The following TMEM132B variants were observed in gnomAD, a reference collection of about 807,000 sequenced individuals.
The protein encoded by TMEM132B is transmembrane protein 132B.
In TMEM132B, 18 loss-of-function variants were observed where a neutral mutation model predicts 90.8. The ratio of observed to expected loss-of-function variants is 0.20; its 90% CI spans 0.14 to 0.29. The LOEUF is 0.29. Among genes scored for constraint, TMEM132B ranks in the 10% least tolerant of loss-of-function variants. The pLI, the probability that TMEM132B is intolerant of heterozygous loss-of-function variation, is 1.00. For synonymous variants in TMEM132B, 504 were observed against 523.3 expected (o/e 0.96, Z 0.50); for missense variants, 1,096 against 1,326.8 (o/e 0.83, Z 2.70).
intron 3 of TMEM132B, among the ~76,000 whole-genome samples, chr12:125,495,615 T>G (rs991270381): frequency 1.3e-5 from 2 of 152,346 alleles, no homozygotes; most frequent in East Asian, 3.9e-4. Context: ...TCCATTTCTA[T>G]TCCATTAAAC....
rs977433239 is a variant in TMEM132B, at chr12:125,277,552, A to T, written c.68-71900A>T. 1.5e-5 allele frequency among the ~76,000 whole-genome samples: 2 copies of T among 129,584 alleles called. No homozygotes were observed. Among genetic ancestry groups the T allele is most frequent in the Non-Finnish European group, 3.3e-5 (2 of 60,454 alleles). The allele number at this position is 129,584 out of a possible 152,430, so 85.0% of individuals were successfully genotyped here. ...ACATACACACACACACGGGAAGGCCATGTGAAGATGCAGCAGAGATTGGAG... is the reference window on the plus strand; with the variant it reads ...ACATACACACACACACGGGAAGGCCTTGTGAAGATGCAGCAGAGATTGGAG... On this transcript the variant is annotated intron_variant, in intron 1 of 8. Coordinates refer to ENST00000682704, the MANE Select transcript of TMEM132B (RefSeq NM_001366854.1). The surrounding 1 kb of genome is among the most constrained non-coding windows in gnomAD (Gnocchi z 4.3).
intron 1 of TMEM132B, among the ~76,000 whole-genome samples, chr12:125,311,042 G>A (rs1876111394): frequency 6.6e-6 from 1 of 152,174 alleles, no homozygotes; most frequent in Non-Finnish European, 1.5e-5. Flanking sequence ...TTGCTCTTCT[G>A]GGCTATTTTA....
At chr12:125,546,556 AT>A (rs1458656783) in intron 4 of TMEM132B, among the ~76,000 whole-genome samples, 1 of 152,136 alleles carries the variant, frequency 6.6e-6, no homozygotes, top group Non-Finnish European at 1.5e-5. Flanking sequence ...ATTGTATGTA[AT>A]TTTTGGTCTG....
intron 2 of TMEM132B, among the ~76,000 whole-genome samples, chr12:125,412,096 A>G (rs1879864146): frequency 6.6e-6 from 1 of 152,160 alleles, no homozygotes; most frequent in Non-Finnish European, 1.5e-5. Context: ...TCAGACTCTG[A>G]GGAAGCGTTT....
Position 125,350,326 on chromosome 12 carries a change from A to T in TMEM132B, c.942A>T (p.Ala314=). 1.2e-6 allele frequency: 2 copies of T among 1,612,858 alleles called. No individual in the cohort carries two copies. Among genetic ancestry groups the T allele is most frequent in the Non-Finnish European group, 1.7e-6 (2 of 1,179,706 alleles). Residue 314 remains alanine (A), a synonymous_variant, in exon 2 of 9, where the codon GCA becomes GCT. Transcript: ENST00000682704. ...FLVSLTSSSV[A]DQFTLRIKAA... ...TCTCTCTGACCAGTAGCTCTGTGGCAGACCAGTTCACTCTTAGGTAAGAGG... is the reference window on the plus strand; with the variant it reads ...TCTCTCTGACCAGTAGCTCTGTGGCTGACCAGTTCACTCTTAGGTAAGAGG...
intron 6 of TMEM132B, among the ~76,000 whole-genome samples, chr12:125,650,275 G>A (rs1188668359): frequency 6.6e-6 from 1 of 152,172 alleles, no homozygotes; most frequent in African/African-American, 2.4e-5. Flanking sequence ...GGAGGTAGCT[G>A]AGCCTGTGAG....
At chr12:125,384,295 A>G (rs1391287988) in intron 2 of TMEM132B, among the ~76,000 whole-genome samples, 1 of 152,164 alleles carries the variant, frequency 6.6e-6, no homozygotes, top group African/African-American at 2.4e-5. Flanking sequence ...TATCCTTGTC[A>G]TACCACCTAA....
At chr12:125,538,432 C>G (rs1883868588) in intron 4 of TMEM132B, among the ~76,000 whole-genome samples, 1 of 152,204 alleles carries the variant, frequency 6.6e-6, no homozygotes, top group Non-Finnish European at 1.5e-5. Flanking sequence ...GACACACAGA[C>G]CTTCCTCAGT....
At chr12:125,310,015 C>A (rs1004984457) in intron 1 of TMEM132B, among the ~76,000 whole-genome samples, 2 of 152,154 alleles carry the variant, frequency 1.3e-5, no homozygotes, top group Non-Finnish European at 2.9e-5. Flanking sequence ...CCTGTGGCTG[C>A]CTGGCTTCCT....
At chr12:125,402,862 A>AT (rs372174145) in intron 2 of TMEM132B, among the ~76,000 whole-genome samples, 70 of 151,092 alleles carry the variant, frequency 4.6e-4, no homozygotes, top group African/African-American at 1.2e-3. Flanking sequence ...AATACATATA[A>AT]TTTTTTTTTT....
At chr12:125,394,515 T>G (rs1486598325) in intron 2 of TMEM132B, among the ~76,000 whole-genome samples, 2 of 152,230 alleles carry the variant, frequency 1.3e-5, no homozygotes, top group Non-Finnish European at 2.9e-5. Context: ...AGGGTTGATC[T>G]GTAGGTTTCT....
At chr12:125,394,925 A>G (rs544421936) in intron 2 of TMEM132B, among the ~76,000 whole-genome samples, 1 of 152,210 alleles carries the variant, frequency 6.6e-6, no homozygotes, top group African/African-American at 2.4e-5. Flanking sequence ...TTGAAAAATT[A>G]TCAATTGGGT....
At chr12:125,483,533 A>G (rs1330308940) in intron 3 of TMEM132B, among the ~76,000 whole-genome samples, 1 of 152,214 alleles carries the variant, frequency 6.6e-6, no homozygotes, top group Non-Finnish European at 1.5e-5. Context: ...ACACCAGGTA[A>G]TTTGGTATCT....
intron 6 of TMEM132B, among the ~76,000 whole-genome samples, chr12:125,646,859 C>T (rs564101330): frequency 2.0e-5 from 3 of 152,238 alleles, no homozygotes; most frequent in South Asian, 2.1e-4. Context: ...AAAAGATGAT[C>T]AACTGATGGC....
chr12:125,318,430 G>A (rs1876343546), intron 1 of TMEM132B, among the ~76,000 whole-genome samples: 1 of 152,098 alleles, frequency 6.6e-6, no homozygotes, highest in African/African-American at 2.4e-5. Context: ...GTAAATGTGT[G>A]CGATGGTGGT....
chr12:125,358,143 C>T (rs1193212052), intron 2 of TMEM132B, among the ~76,000 whole-genome samples: 1 of 151,878 alleles, frequency 6.6e-6, no homozygotes, highest in Non-Finnish European at 1.5e-5. Context: ...TTCACACTCT[C>T]TATGGGGGGG....
chr12:125,424,285 C>A (rs558591926), intron 3 of TMEM132B, among the ~76,000 whole-genome samples: 2 of 152,146 alleles, frequency 1.3e-5, no homozygotes, highest in Non-Finnish European at 2.9e-5. Context: ...ATACGTGATG[C>A]GTTTTTAAGT....
At chr12:125,313,296 CCA>C (rs1366470135) in intron 1 of TMEM132B, among the ~76,000 whole-genome samples, 1 of 152,124 alleles carries the variant, frequency 6.6e-6, no homozygotes, top group Non-Finnish European at 1.5e-5. Flanking sequence ...GAATCTGTGT[CCA>C]GTCAGATAGA....
In TMEM132B at chr12:125,232,618, G is replaced by C. The variant is rs140783498; in HGVS notation, c.67+45752G>C. ...AGAATTGACACCTGCTTGCCAGACA[G>C]ACAGGGATGTGCTATAAATATTGGG... On this transcript the variant is annotated intron_variant, in intron 1 of 8. Transcript: ENST00000682704. Among the ~76,000 whole-genome samples the C allele has an allele frequency of 1.6e-4, 25 of 152,304 alleles. No individual in the cohort carries two copies. The East Asian group carries it at 3.9e-3, about 24-fold the overall frequency.
Sources: gnomAD v4.1 joint callset for allele counts (sites outside exome capture counted in the v4.1 genomes callset) on GRCh38, gnomAD v4.1.1 for gene constraint, Gnocchi (gnomAD v3.1) non-coding constraint, MANE v1.5 for transcripts, NCBI Gene and HGNC (gene_info 2026-07-23, HGNC 2026-07-21) for gene names.